OSBPL9: variants seen among roughly 807,000 people sequenced by gnomAD.
OSBPL9 encodes the protein oxysterol binding protein like 9.
OSBPL9 carries 40 observed loss-of-function variants against 106.6 expected under a neutral mutation model. That is an observed-to-expected ratio of 0.38 (90% CI 0.29 to 0.49). The LOEUF (loss-of-function observed/expected upper bound fraction) is 0.49. Among genes scored for constraint, OSBPL9 ranks in the 20% least tolerant of loss-of-function variants. The pLI, the probability that OSBPL9 is intolerant of heterozygous loss-of-function variation, is 0.97. For synonymous variants in OSBPL9, 269 were observed against 295.4 expected, an observed-to-expected ratio of 0.91 and a Z score of 0.92; for missense variants, 609 against 887.2, an observed-to-expected ratio of 0.69 and a Z score of 3.98.
chr1:51,596,890 C>T (rs1203826690), intron 1 of OSBPL9, among the ~76,000 whole-genome samples: 1 of 152,180 alleles, frequency 6.6e-6, no homozygotes, highest in Non-Finnish European at 1.5e-5. Flanking sequence ...TCTCCTGCTC[C>T]CATGGAGCTA....
intron 1 of OSBPL9, among the ~76,000 whole-genome samples, chr1:51,624,876 A>T (rs992396896): frequency 6.6e-6 from 1 of 152,212 alleles, no homozygotes; most frequent in Admixed American, 6.5e-5. Context: ...AAACTCCATG[A>T]TGGCAGTACT....
chr1:51,724,347 G>A lies in OSBPL9; in HGVS notation c.318+10268G>A, dbSNP rs192748640. Among the ~76,000 whole-genome samples, 1,463 of 152,018 alleles carry A rather than the reference G, an allele frequency of 9.6e-3. 14 individuals carry two copies. Among genetic ancestry groups the A allele is most frequent in the Admixed American group, 0.015 (225 of 15,272 alleles). ...CGCCTGGGCTGGAGTGCAGTGGCGC[G>A]ATCTCAGCTCACTGCCACCTCCGCC... On this transcript the variant is annotated intron_variant, in intron 4 of 23. Transcript: ENST00000428468.
chr1:51,651,736 A>G lies in OSBPL9; in HGVS notation c.112-255A>G, dbSNP rs568886346. Among the ~76,000 whole-genome samples, 161 of 152,354 alleles carry G rather than the reference A, an allele frequency of 1.1e-3. No homozygotes were observed. The Middle Eastern group carries it at 0.027, about 26-fold the overall frequency. ...ACTTAAGGGAATGAAGAAGGAATGA[A>G]AATAATGATGTAATATATGTTACAT... On this transcript the variant is annotated intron_variant, in intron 1 of 23. Transcript: ENST00000428468.
intron 1 of OSBPL9, among the ~76,000 whole-genome samples, chr1:51,635,237 C>G (rs1008437332): frequency 2.6e-5 from 4 of 152,020 alleles, no homozygotes; most frequent in African/African-American, 9.7e-5. Flanking sequence ...TAGGAAGATC[C>G]CTTGAGCCCA....
In OSBPL9 at chr1:51,745,541, G is replaced by C. The variant is rs1204279882; in HGVS notation, c.324G>C (p.Leu108Phe). The change falls in exon 5 of 24, where the codon TTG (leucine) becomes TTC (phenylalanine). Residue 108 changes from leucine (L) to phenylalanine (F), a missense_variant. Physicochemically the swap from Leu to Phe is conservative, Grantham distance 22. This residue lies in a region of OSBPL9 where 72 missense variants were observed against 140.5 expected (regional missense o/e 0.51). Transcript: ENST00000428468. ...TGCAAATTCTCTTTCTCTAGGGTTT[G>C]GATTCAGGATTTGTTCCTAGTGTCC... ...ILRHTLQLQG[L>F]DSGFVPSVQD... 1 of 1,611,174 alleles carries C rather than the reference G, an allele frequency of 6.2e-7. No homozygotes were observed. The highest frequency in any genetic ancestry group is 1.7e-5 in the Admixed American group (1 of 59,746).
chr1:51,539,895 G>A, the OSBPL9 span, among the ~76,000 whole-genome samples: 1 of 152,190 alleles, frequency 6.6e-6, no homozygotes, highest in Admixed American at 6.5e-5. Flanking sequence ...GGCCTAGAGA[G>A]GCCTGTGTGA....
chr1:51,602,886 T>C (rs1286591134), intron 2 of OSBPL9, among the ~76,000 whole-genome samples: 2 of 152,222 alleles, frequency 1.3e-5, no homozygotes, highest in Admixed American at 6.5e-5. Context: ...GCTGGGGTGG[T>C]GGCTCACACG....
intron 14 of OSBPL9, among the ~76,000 whole-genome samples, 159 bp from the exon 15 acceptor site, chr1:51,776,674 G>A (rs1374237614): frequency 6.6e-6 from 1 of 151,898 alleles, no homozygotes; most frequent in Non-Finnish European, 1.5e-5. Flanking sequence ...AATCTGACAG[G>A]TTGAGAATTA....
intron 3 of OSBPL9, among the ~76,000 whole-genome samples, chr1:51,691,990 A>G (rs573343763): frequency 1.3e-5 from 2 of 152,294 alleles, no homozygotes; most frequent in East Asian, 3.9e-4. Context: ...AAAAATAAAT[A>G]AATAGAAGGC....
At position 51,788,908 on chromosome 1, in the gene OSBPL9, A is replaced by ATTTAG. The variant is rs2149178109; in HGVS notation, c.*1122_*1126dup. Among the ~76,000 whole-genome samples, 2 of 138,930 alleles carry ATTTAG rather than the reference A, an allele frequency of 1.4e-5. No individual in the cohort carries two copies. The highest frequency in any genetic ancestry group is 1.5e-5 in the Non-Finnish European group (1 of 65,984). The allele number at this position is 138,930 out of a possible 152,430, so 91.1% of individuals were successfully genotyped here. On this transcript the variant is annotated 3_prime_UTR_variant, in exon 24 of 24. Transcript: ENST00000428468. ...AAAAAAACAGGTATTAGTACCTAGC[A>ATTTAG]TTTAGTTAGTTATTCAATATACTGG... is the stretch of plus-strand genomic sequence containing the variant.
intron 3 of OSBPL9, among the ~76,000 whole-genome samples, chr1:51,686,059 G>A (rs1448840431): frequency 6.6e-6 from 1 of 152,128 alleles, no homozygotes. Flanking sequence ...AAGTGGAGAT[G>A]GGTGTCAGTG....
the OSBPL9 span, among the ~76,000 whole-genome samples, chr1:51,549,606 C>T: frequency 6.6e-6 from 1 of 152,166 alleles, no homozygotes; most frequent in Non-Finnish European, 1.5e-5. Context: ...CTGAGATGGG[C>T]AGATCACTTG....
chr1:51,636,268 C>T (rs938850138), intron 1 of OSBPL9, among the ~76,000 whole-genome samples: 1 of 149,204 alleles, frequency 6.7e-6, no homozygotes. Flanking sequence ...TCAAGTAATC[C>T]TTCCACCTCA....
At chr1:51,549,307 A>C in the OSBPL9 span, among the ~76,000 whole-genome samples, 4 of 152,158 alleles carry the variant, frequency 2.6e-5, no homozygotes, top group Admixed American at 6.6e-5. Context: ...ACACTCATGC[A>C]TTCTTTAAGA....
intron 11 of OSBPL9, among the ~76,000 whole-genome samples, chr1:51,763,198 A>G (rs539989036): frequency 6.6e-6 from 1 of 151,952 alleles, no homozygotes; most frequent in South Asian, 2.1e-4. Flanking sequence ...TAGAGACGGC[A>G]TTTCACTATG....
chr1:51,559,266 G>T, the OSBPL9 span, among the ~76,000 whole-genome samples: 6 of 151,476 alleles, frequency 4.0e-5, no homozygotes, highest in Non-Finnish European at 8.8e-5. Flanking sequence ...TGGTAACCTG[G>T]ATGTTCTGGG....
the OSBPL9 span, among the ~76,000 whole-genome samples, chr1:51,528,931 T>C: frequency 2.0e-5 from 3 of 152,100 alleles, no homozygotes; most frequent in Non-Finnish European, 4.4e-5. Flanking sequence ...GAAAAAATAG[T>C]TAAGAATAAA....
intron 3 of OSBPL9, chr1:51,707,323 C>T: frequency 5.3e-6 from 1 of 187,774 alleles, no homozygotes. Flanking sequence ...TTCAGTATAG[C>T]TCAGGATGCC....
chr1:51,611,835 C>T (rs967620160), intron 2 of OSBPL9, among the ~76,000 whole-genome samples: 2 of 152,032 alleles, frequency 1.3e-5, no homozygotes, highest in African/African-American at 4.8e-5. Context: ...ATTAGCCGGG[C>T]GTGGTGGCGG....
Sources: gnomAD v4.1 joint callset for allele counts (sites outside exome capture counted in the v4.1 genomes callset) on GRCh38, gnomAD v4.1.1 for gene constraint, gnomAD v4.1.1 regional missense constraint, MANE v1.5 for transcripts, NCBI Gene and HGNC (gene_info 2026-07-23, HGNC 2026-07-21) for gene names.